FA2H: variants seen among roughly 807,000 people sequenced by gnomAD.
FA2H encodes fatty acid 2-hydroxylase.
In FA2H, 22 loss-of-function variants were observed where a neutral mutation model predicts 44.9. That is an observed-to-expected ratio of 0.49 (90% confidence interval 0.35 to 0.70). The LOEUF (loss-of-function observed/expected upper bound fraction) is 0.70. Ranked by LOEUF, FA2H falls within the 30% of genes least tolerant of loss-of-function variation. The probability of loss-of-function intolerance (pLI) is 0.01; values close to 1 mark genes in which losing one functional copy is unlikely to be tolerated. For missense variants in FA2H, 501 were observed against 504.9 expected, an observed-to-expected ratio of 0.99 and a Z score of 0.07; for synonymous variants, 243 against 213.2, an observed-to-expected ratio of 1.14 and a Z score of -1.22.
At chr16:74,772,828 G>A (rs182850452) in intron 1 of FA2H, among the ~76,000 whole-genome samples, 398 of 152,040 alleles carry the variant, frequency 2.6e-3, no homozygotes, top group Non-Finnish European at 4.4e-3. Context: ...AGTAGCCAAT[G>A]CCACATCACC....
At chr16:74,726,451 T>A in intron 3 of FA2H, 120 bp from the exon 4 acceptor site, 1 of 662,312 alleles carries the variant, frequency 1.5e-6, no homozygotes, top group South Asian at 1.6e-5. Context: ...TGCAATGGCG[T>A]GATTTCGGCT....
intron 5 of FA2H, chr16:74,717,127 C>G (rs1961724615): frequency 6.5e-6 from 1 of 154,210 alleles, no homozygotes; most frequent in South Asian, 2.0e-4. Flanking sequence ...CATGTCCAAA[C>G]AGGAGGCCTT....
intron 1 of FA2H, among the ~76,000 whole-genome samples, chr16:74,757,880 G>A (rs1158676786): frequency 3.3e-5 from 5 of 152,096 alleles, no homozygotes; most frequent in Non-Finnish European, 1.5e-5. Flanking sequence ...CTAGCTGGGA[G>A]TGGTGGCTTG....
At chr16:74,757,457 T>C (rs1279229818) in intron 1 of FA2H, among the ~76,000 whole-genome samples, 1 of 152,212 alleles carries the variant, frequency 6.6e-6, no homozygotes, top group Non-Finnish European at 1.5e-5. Context: ...ATAAGATGTG[T>C]ATTATTTGGA....
intron 2 of FA2H, among the ~76,000 whole-genome samples, chr16:74,731,512 T>C (rs1394872186): frequency 6.6e-6 from 1 of 152,166 alleles, no homozygotes; most frequent in Admixed American, 6.5e-5. Context: ...CCTCTGGTTT[T>C]CTTTTCTCAT....
intron 1 of FA2H, among the ~76,000 whole-genome samples, chr16:74,748,902 G>A (rs1482163551): frequency 1.3e-5 from 2 of 152,196 alleles, no homozygotes; most frequent in South Asian, 4.1e-4. Flanking sequence ...TTCTGAAAGG[G>A]AATGGTTGCC....
intron 1 of FA2H, among the ~76,000 whole-genome samples, chr16:74,748,537 C>G (rs1749239607): frequency 1.3e-5 from 2 of 152,074 alleles, no homozygotes; most frequent in African/African-American, 4.8e-5. Context: ...GAGGGCTGTT[C>G]CCGGGAAGGT....
intron 1 of FA2H, among the ~76,000 whole-genome samples, chr16:74,769,705 G>C (rs557374241): frequency 9.2e-5 from 14 of 152,298 alleles, no homozygotes; most frequent in African/African-American, 3.4e-4. Flanking sequence ...TATTTCTTTT[G>C]TGAAAAATGC....
chr16:74,770,401 A>G (rs918711832), intron 1 of FA2H, among the ~76,000 whole-genome samples: 1 of 152,212 alleles, frequency 6.6e-6, no homozygotes, highest in Non-Finnish European at 1.5e-5. Context: ...TTTTTGAGAC[A>G]GGGTCTTGCT....
chr16:74,737,441 A>G lies in FA2H; in HGVS notation c.363+2582T>C, dbSNP rs149378219. Among the ~76,000 whole-genome samples, 6 of 152,320 alleles carry G rather than the reference A, an allele frequency of 3.9e-5. 1 individual carries two copies. Among genetic ancestry groups the G allele is most frequent in the African/African-American group, 1.4e-4 (6 of 41,576 alleles). ...AAAATTCCACACAGAGCCCAAAAGT[A>G]AGACCATCCCTCACCTCTGAGCAGA... is the stretch of plus-strand genomic sequence containing the variant. On this transcript the variant is annotated intron_variant, in intron 2 of 6. Transcript: ENST00000219368.
chr16:74,715,815 CT>C lies in FA2H; in HGVS notation c.1039+531del, dbSNP rs536329308. On this transcript the variant is annotated intron_variant, in intron 6 of 6. Transcript: ENST00000219368. Reference sequence around the variant, plus strand: ...CTTGCTTTACTTTCTTCTTCTTCTTCTTTTTTTTTTTTTTTTTATAGACAGA... The same window carrying C: ...CTTGCTTTACTTTCTTCTTCTTCTTCTTTTTTTTTTTTTTTTATAGACAGA... Among the ~76,000 whole-genome samples the C allele has an allele frequency of 9.8e-3, 1,333 of 136,274 alleles. 8 individuals are homozygous for C. The highest frequency in any genetic ancestry group is 0.027 in the African/African-American group (982 of 37,046). The allele number at this position is 136,274 out of a possible 152,430, so 89.4% of individuals were successfully genotyped here.
intron 4 of FA2H, 86 bp from the exon 5 acceptor site, chr16:74,719,246 G>T: frequency 8.2e-7 from 1 of 1,215,320 alleles, no homozygotes; most frequent in Non-Finnish European, 1.2e-6. Flanking sequence ...ATCCCCATCA[G>T]CTCGGGAGCT....
chr16:74,740,176 G>T, intron 1 of FA2H, 61 bp from the exon 2 acceptor site: 1 of 1,384,488 alleles, frequency 7.2e-7, no homozygotes. Flanking sequence ...GCAGAGCCCC[G>T]AGCTGCCCCG....
Position 74,731,324 on chromosome 16 carries a change from G to A in FA2H, c.364-3938C>T, listed in dbSNP as rs970216678. 1.7e-3 allele frequency among the ~76,000 whole-genome samples: 223 copies of A among 130,558 alleles called. 1 individual carries two copies. Among genetic ancestry groups the A allele is most frequent in the Admixed American group, 4.8e-3 (60 of 12,498 alleles). 85.7% of individuals were successfully genotyped at this position (130,558 alleles called of 152,430 possible). On this transcript the variant is annotated intron_variant, in intron 2 of 6. Coordinates refer to ENST00000219368, the MANE Select transcript of FA2H (RefSeq NM_024306.5). ...TTTTTTTTTTTTTTTTGTATTTTTA[G>A]TAGAGATGGGATTTCACCATGTTGG...
At chr16:74,744,124 C>T (rs936890121) in intron 1 of FA2H, among the ~76,000 whole-genome samples, 1 of 152,168 alleles carries the variant, frequency 6.6e-6, no homozygotes, top group African/African-American at 2.4e-5. Flanking sequence ...ATGCCACACA[C>T]GTTGATCTGG....
At chr16:74,733,408 T>C (rs1597551433) in intron 2 of FA2H, among the ~76,000 whole-genome samples, 1 of 152,010 alleles carries the variant, frequency 6.6e-6, no homozygotes, top group South Asian at 2.1e-4. Flanking sequence ...GCTCTTGAGA[T>C]AGGATTGGTT....
intron 2 of FA2H, 103 bp from the exon 3 acceptor site, chr16:74,727,489 C>G (rs1019273327): frequency 1.6e-6 from 2 of 1,285,944 alleles, no homozygotes; most frequent in Admixed American, 3.5e-5. Flanking sequence ...CCTACCTCAG[C>G]TCCTGTGATC....
intron 1 of FA2H, among the ~76,000 whole-genome samples, chr16:74,744,373 A>G (rs143568680): frequency 1.8e-4 from 28 of 151,972 alleles, no homozygotes; most frequent in Middle Eastern, 3.4e-3. Context: ...TAAACACTTT[A>G]AAAACCAAAA....
chr16:74,746,341 C>G (rs1428568646), intron 1 of FA2H, among the ~76,000 whole-genome samples: 1 of 151,508 alleles, frequency 6.6e-6, no homozygotes, highest in Non-Finnish European at 1.5e-5. Flanking sequence ...CTTGCTGCAG[C>G]CTTGAACTCC....
Sources: allele counts gnomAD v4.1 joint callset (sites outside exome capture counted in the v4.1 genomes callset), GRCh38; gene constraint gnomAD v4.1.1; transcripts MANE v1.5; gene names NCBI Gene and HGNC (gene_info 2026-07-23, HGNC 2026-07-21).